ANKRD17: variants seen among roughly 807,000 people sequenced by gnomAD.
ANKRD17 encodes the protein ankyrin repeat domain 17.
A neutral mutation model predicts 229.7 loss-of-function variants in ANKRD17; 19 were observed. The observed-to-expected ratio is 0.08, with a 90% CI of 0.06 to 0.12. ANKRD17 has a LOEUF of 0.12. Among genes scored for constraint, ANKRD17 ranks in the 10% least tolerant of loss-of-function variants. The pLI is 1.00. For synonymous variants in ANKRD17, 1,112 were observed against 1,146.1 expected (o/e 0.97, Z 0.60); for missense variants, 2,176 against 3,176.8 (o/e 0.68, Z 7.57).
chr4:73,239,220 A>G (rs1294136222), intron 1 of ANKRD17, among the ~76,000 whole-genome samples: 1 of 152,156 alleles, frequency 6.6e-6, no homozygotes, highest in East Asian at 1.9e-4. Flanking sequence ...CAAAATCACT[A>G]GTTTTTAAAA....
At chr4:73,207,056 T>A (rs1051601324) in intron 1 of ANKRD17, among the ~76,000 whole-genome samples, 2 of 152,120 alleles carry the variant, frequency 1.3e-5, no homozygotes, top group African/African-American at 4.8e-5. Context: ...ACTCCTGACC[T>A]CAGGCGATCC....
rs760665499 is a variant in ANKRD17, at chr4:73,090,989, A to C, written c.6639T>G (p.Ser2213Arg). The C allele has an allele frequency of 1.2e-6, 2 of 1,614,246 alleles. No individual in the cohort carries two copies. Among genetic ancestry groups the C allele is most frequent in the Non-Finnish European group, 1.7e-6 (2 of 1,180,042 alleles). Reference protein sequence around the residue: ...LSVNHIKRPHSVPSSVQLPST... With the variant: ...LSVNHIKRPHRVPSSVQLPST... ...AAGGTAGCTGGACAGAAGAGGGAAC[A>C]CTGTGAGGTCTTTTAATGTGATTGA... The change falls in exon 29 of 34, where the codon AGT becomes AGG. Residue 2213 changes from serine (S) to arginine (R), a missense_variant. Ser to Arg is a moderately radical substitution (Grantham distance 110). This residue lies in a region of ANKRD17 where 424 missense variants were observed against 454.0 expected (regional missense o/e 0.93). Transcript: ENST00000358602.
chr4:73,107,701 A>G (rs1012480042), intron 24 of ANKRD17, among the ~76,000 whole-genome samples: 1 of 152,230 alleles, frequency 6.6e-6, no homozygotes, highest in African/African-American at 2.4e-5. Flanking sequence ...AACTGGACCC[A>G]GTATATTCAA....
In ANKRD17 at chr4:73,177,445, C is replaced by A. The variant is rs1020245797; in HGVS notation, c.482G>T (p.Gly161Val). The A allele has an allele frequency of 6.2e-7, 1 of 1,613,700 alleles. No individual in the cohort carries two copies. The highest frequency in any genetic ancestry group is 8.5e-7 in the Non-Finnish European group (1 of 1,179,720). Residue 161 changes from glycine to valine, a missense_variant, in exon 2 of 34, where the codon GGT (glycine) becomes GTT (valine). Physicochemically the swap from Gly to Val is moderately radical, Grantham distance 109. Around this residue, in one of 18 missense-constraint regions of ANKRD17, gnomAD observed 184 missense variants for 357.8 expected, o/e 0.51. Coordinates refer to ENST00000358602, the MANE Select transcript of ANKRD17 (RefSeq NM_032217.5). The part of the protein sequence containing the change: ...SKLLLSGTAD[G>V]ADLRTVDPET... Reference sequence around the variant, plus strand: ...TGGATCTACTGTCCTGAGGTCTGCACCATCAGCAGTACCTGATAAGAGCAA... The same window carrying A: ...TGGATCTACTGTCCTGAGGTCTGCAACATCAGCAGTACCTGATAAGAGCAA...
intron 5 of ANKRD17, among the ~76,000 whole-genome samples, 193 bp from the exon 6 acceptor site, chr4:73,154,306 T>C (rs1449143239): frequency 6.6e-6 from 1 of 151,936 alleles, no homozygotes; most frequent in Non-Finnish European, 1.5e-5. Flanking sequence ...TGAAATCAAC[T>C]CCCTATTCTC....
chr4:73,112,655 TAAAG>T (rs1560532965), intron 24 of ANKRD17: 1 of 672,156 alleles, frequency 1.5e-6, no homozygotes, highest in African/African-American at 2.0e-5. Context: ...TAGAACTTAA[TAAAG>T]AAAGCAAGTA....
Position 73,140,083 on chromosome 4 carries a change from T to C in ANKRD17, c.2533A>G (p.Lys845Glu). ...LELAHADQLT[K>E]EKIEELNKTR... is the part of the protein sequence containing the mutation. ...TTGTTGAGCTCCTCGATCTTCTCCTTGGTAAGTTGGTCAGCATGAGCCAGT... is the reference window on the plus strand; with the variant it reads ...TTGTTGAGCTCCTCGATCTTCTCCTCGGTAAGTTGGTCAGCATGAGCCAGT... The change falls in exon 15 of 34, where the codon AAG becomes GAG. Residue 845 changes from lysine to glutamate, a missense_variant. By Grantham distance (56) the Lys-to-Glu change is moderately conservative (BLOSUM62 1). Transcript: ENST00000358602. 1.2e-6 allele frequency: 2 copies of C among 1,614,202 alleles called. No homozygotes were observed. The highest frequency in any genetic ancestry group is 1.7e-6 in the Non-Finnish European group (2 of 1,180,038).
intron 1 of ANKRD17, among the ~76,000 whole-genome samples, chr4:73,184,222 C>T (rs891359027): frequency 2.6e-5 from 4 of 151,962 alleles, no homozygotes; most frequent in African/African-American, 9.7e-5. Context: ...GTATTTATTC[C>T]AAAGGATAAG....
chr4:73,079,343 C>T (rs1423201390), intron 30 of ANKRD17, among the ~76,000 whole-genome samples: 1 of 152,034 alleles, frequency 6.6e-6, no homozygotes, highest in Non-Finnish European at 1.5e-5. Flanking sequence ...GAAAACCTAG[C>T]CTAGGAAAAA....
intron 2 of ANKRD17, chr4:73,168,781 GTCCT>G (rs1288065184): frequency 1.3e-5 from 2 of 152,186 alleles, no homozygotes; most frequent in African/African-American, 4.8e-5. Flanking sequence ...TTTTGTGTGT[GTCCT>G]TCCAACTTTT....
chr4:73,090,302 C>T (rs936260215), intron 29 of ANKRD17, among the ~76,000 whole-genome samples: 6 of 151,956 alleles, frequency 3.9e-5, no homozygotes, highest in African/African-American at 7.2e-5. Flanking sequence ...CCCAGCTACT[C>T]GGGAGGCTGA....
At chr4:73,241,317 T>C (rs1174458634) in intron 1 of ANKRD17, among the ~76,000 whole-genome samples, 2 of 151,970 alleles carry the variant, frequency 1.3e-5, no homozygotes, top group African/African-American at 4.8e-5. Flanking sequence ...ATGAATAAAA[T>C]GTAAAAGTTA....
chr4:73,106,149 CAGG>C (rs2148626949), intron 24 of ANKRD17, among the ~76,000 whole-genome samples: 2 of 152,200 alleles, frequency 1.3e-5, no homozygotes, highest in East Asian at 3.9e-4. Flanking sequence ...TCAAGTTAGA[CAGG>C]AGAATGGCGT....
At chr4:73,181,179 A>G (rs1472700401) in intron 1 of ANKRD17, among the ~76,000 whole-genome samples, 1 of 152,210 alleles carries the variant, frequency 6.6e-6, no homozygotes. Flanking sequence ...AGAATCTTAC[A>G]TTAGGTAGTA....
intron 18 of ANKRD17, among the ~76,000 whole-genome samples, chr4:73,123,584 T>C (rs1359435318): frequency 6.6e-6 from 1 of 152,048 alleles, no homozygotes; most frequent in Non-Finnish European, 1.5e-5. Context: ...AAAATGCCTA[T>C]ATTATCACTG....
intron 2 of ANKRD17, among the ~76,000 whole-genome samples, chr4:73,171,570 T>C (rs1734049118): frequency 6.6e-6 from 1 of 152,164 alleles, no homozygotes; most frequent in Admixed American, 6.5e-5. Context: ...ATGAACTATA[T>C]AAGGCACCAG....
intron 17 of ANKRD17, 71 bp from the exon 18 acceptor site, chr4:73,125,129 G>GA: frequency 1.3e-6 from 2 of 1,588,338 alleles, no homozygotes; most frequent in Non-Finnish European, 1.7e-6. Context: ...TTCAAAATAG[G>GA]ACTAAAAAAT....
rs1412840744 is a variant in ANKRD17 at position 73,086,939 on chromosome 4, T to A, written c.6962-1493A>T. Among the ~76,000 whole-genome samples, 15 of 80,572 alleles carry A rather than the reference T, an allele frequency of 1.9e-4. 1 individual carries two copies. Among genetic ancestry groups the A allele is most frequent in the South Asian group, 9.7e-4 (2 of 2,056 alleles). The allele number at this position is 80,572 out of a possible 152,430, so 52.9% of individuals were successfully genotyped here. A position where few individuals can be genotyped will look rare whatever the true frequency, so the allele number is the denominator to read the frequency against. On this transcript the variant is annotated intron_variant, in intron 29 of 33. Transcript: ENST00000358602. The stretch of plus-strand genomic sequence containing the variant: ...AAAAAAATATATATATATATATATA[T>A]ATATATATATATATCTGTAGGATTT...
chr4:73,074,158 G>A lies in ANKRD17; in HGVS notation c.*2073C>T, dbSNP rs1283870692. On this transcript the variant is annotated 3_prime_UTR_variant, in exon 34 of 34. Coordinates refer to ENST00000358602, the MANE Select transcript of ANKRD17 (RefSeq NM_032217.5). The stretch of plus-strand genomic sequence containing the variant: ...CTATATCCCCTGGCCCCACAGGTTT[G>A]AAGTCAAGAAAATATAGGAGTTTTC... 5.3e-5 allele frequency: 8 copies of A among 151,914 alleles called. No individual in the cohort carries two copies. The highest frequency in any genetic ancestry group is 1.2e-4 in the Non-Finnish European group (8 of 67,872). The allele number at this position is 151,914 out of a possible 1,614,324, so 9.4% of individuals were successfully genotyped here.
Sources: allele counts gnomAD v4.1 joint callset (sites outside exome capture counted in the v4.1 genomes callset), GRCh38; gene constraint gnomAD v4.1.1; regional missense constraint gnomAD v4.1.1; transcripts MANE v1.5; gene names NCBI Gene and HGNC (gene_info 2026-07-23, HGNC 2026-07-21).